The following KHDRBS2 variants were observed in gnomAD, a reference collection of about 807,000 sequenced individuals.
KHDRBS2 encodes KH RNA binding domain containing, signal transduction associated 2.
Under a neutral mutation model 44.3 loss-of-function variants are expected in KHDRBS2, and 26 were observed. The ratio of observed to expected loss-of-function variants is 0.59; its 90% CI spans 0.43 to 0.81. KHDRBS2 has a LOEUF of 0.81. Ranked by LOEUF, KHDRBS2 falls within the 40% of genes least tolerant of loss-of-function variation. The pLI is 0.00. For synonymous variants in KHDRBS2, 194 were observed against 151.1 expected, an observed-to-expected ratio of 1.28 and a Z score of -2.08; for missense variants, 476 against 433.1, an observed-to-expected ratio of 1.10 and a Z score of -0.88.
At chr6:61,580,024 T>C in the KHDRBS2 span, among the ~76,000 whole-genome samples, 2 of 152,090 alleles carry the variant, frequency 1.3e-5, no homozygotes, top group East Asian at 3.9e-4. Context: ...GCCATCGCAC[T>C]CCAGCCTGGG....
At chr6:61,813,995 G>T in intron 6 of KHDRBS2, 1 of 455,794 alleles carries the variant, frequency 2.2e-6, no homozygotes. Flanking sequence ...AAAAAGCTTC[G>T]TCCTGGGTTA....
At chr6:61,732,388 C>T (rs553751353) in intron 7 of KHDRBS2, among the ~76,000 whole-genome samples, 1 of 151,088 alleles carries the variant, frequency 6.6e-6, no homozygotes, top group East Asian at 1.9e-4. Context: ...TTATTATTGT[C>T]TTTTAAAAAA....
the KHDRBS2 span, among the ~76,000 whole-genome samples, chr6:61,610,737 A>G: frequency 6.6e-5 from 10 of 152,246 alleles, no homozygotes; most frequent in African/African-American, 2.4e-4. Flanking sequence ...ATGCCTTCTA[A>G]GACAGTGTTT....
chr6:61,555,890 T>A, the KHDRBS2 span, among the ~76,000 whole-genome samples: 1 of 152,188 alleles, frequency 6.6e-6, no homozygotes, highest in East Asian at 1.9e-4. Context: ...GAACCTGCTG[T>A]GCTGGAGAGG....
intron 6 of KHDRBS2, among the ~76,000 whole-genome samples, chr6:61,743,726 A>G (rs974107797): frequency 7.3e-5 from 11 of 151,630 alleles, no homozygotes; most frequent in African/African-American, 2.4e-4. Flanking sequence ...GGTGTGCTGC[A>G]CCCATTAACT....
intron 2 of KHDRBS2, among the ~76,000 whole-genome samples, chr6:62,076,779 C>A (rs1293043464): frequency 2.0e-5 from 3 of 152,000 alleles, no homozygotes; most frequent in African/African-American, 7.2e-5. Context: ...AAATAGCTCA[C>A]ACCTGTAATC....
intron 4 of KHDRBS2, among the ~76,000 whole-genome samples, chr6:61,968,784 C>A (rs1203432390): frequency 1.3e-5 from 2 of 151,938 alleles, no homozygotes; most frequent in Admixed American, 6.6e-5. Flanking sequence ...TCTGATCAGG[C>A]CCTTTTTTGT....
At chr6:61,661,123 G>T in the KHDRBS2 span, among the ~76,000 whole-genome samples, 125,511 of 151,670 alleles carry the variant, frequency 0.83, 52,119 homozygotes, top group Non-Finnish European at 0.87. Context: ...GTTTCTCACT[G>T]GTTTGACATT....
In KHDRBS2 at chr6:61,989,988, G is replaced by A. The variant is rs116809870; in HGVS notation, c.337-11776C>T. On this transcript the variant is annotated intron_variant, in intron 3 of 8. Transcript: ENST00000281156. ...AACCCTTGCATGGGCTAACTTGTAT[G>A]TTCTTTCTCAGAGTTCTGTGGTGGA... Among the ~76,000 whole-genome samples, 250 of 152,290 alleles carry A rather than the reference G, an allele frequency of 1.6e-3. 2 individuals carry two copies. The highest frequency in any genetic ancestry group is 5.8e-3 in the African/African-American group (243 of 41,564).
chr6:62,228,101 C>A (rs890317573), intron 1 of KHDRBS2, among the ~76,000 whole-genome samples: 3 of 152,112 alleles, frequency 2.0e-5, no homozygotes, highest in African/African-American at 4.8e-5. Flanking sequence ...AAAAATGGTA[C>A]CAGCTCCTCT....
chr6:61,605,516 A>G, the KHDRBS2 span, among the ~76,000 whole-genome samples: 7 of 152,174 alleles, frequency 4.6e-5, no homozygotes, highest in Admixed American at 2.6e-4. Context: ...GTCCTTTAAT[A>G]CATATTTTTC....
chr6:61,576,185 T>C, the KHDRBS2 span, among the ~76,000 whole-genome samples: 2 of 152,216 alleles, frequency 1.3e-5, no homozygotes, highest in Non-Finnish European at 2.9e-5. Context: ...AGTATGATCA[T>C]TTTAATAATA....
chr6:61,855,380 G>C (rs1795999509), intron 6 of KHDRBS2, among the ~76,000 whole-genome samples: 2 of 151,736 alleles, frequency 1.3e-5, no homozygotes. Context: ...TTTTACTTCT[G>C]GTAATTTACT....
At chr6:61,682,492 G>A (rs1275638952) in intron 8 of KHDRBS2, among the ~76,000 whole-genome samples, 1 of 151,890 alleles carries the variant, frequency 6.6e-6, no homozygotes, top group Non-Finnish European at 1.5e-5. Flanking sequence ...ACTCTGGCCT[G>A]TGAACCAAAT....
At chr6:62,089,393 G>C (rs1799069044) in intron 2 of KHDRBS2, among the ~76,000 whole-genome samples, 1 of 152,166 alleles carries the variant, frequency 6.6e-6, no homozygotes, top group Admixed American at 6.5e-5. Flanking sequence ...TGGTCTGTGG[G>C]TTGCGAAGAC....
rs186659162 is a variant in KHDRBS2, at chr6:61,779,365, T to C, written c.811-46601A>G. Reference sequence around the variant, plus strand: ...AATAGTGAAAGACAGATTTTTGTTTTAATAAATGTAGTAATAATGTAAGGA... The same window carrying C: ...AATAGTGAAAGACAGATTTTTGTTTCAATAAATGTAGTAATAATGTAAGGA... On this transcript the variant is annotated intron_variant, in intron 6 of 8. Coordinates refer to ENST00000281156, the MANE Select transcript of KHDRBS2 (RefSeq NM_152688.4). 1.3e-3 allele frequency among the ~76,000 whole-genome samples: 199 copies of C among 152,240 alleles called. 1 individual carries two copies. The highest frequency in any genetic ancestry group is 4.4e-3 in the African/African-American group (182 of 41,546).
chr6:61,709,094 T>C (rs2127549661), intron 7 of KHDRBS2, among the ~76,000 whole-genome samples: 1 of 151,770 alleles, frequency 6.6e-6, no homozygotes, highest in East Asian at 1.9e-4. Context: ...AAGTGTCTAG[T>C]ACATATCAGG....
chr6:61,926,825 T>G (rs1583546845), intron 4 of KHDRBS2, among the ~76,000 whole-genome samples: 1 of 112,716 alleles, frequency 8.9e-6, no homozygotes, highest in Non-Finnish European at 2.0e-5. Context: ...ACCCAGAAAC[T>G]TCAAAGAGAA....
chr6:61,674,033 A>G, the KHDRBS2 span, among the ~76,000 whole-genome samples: 1 of 151,744 alleles, frequency 6.6e-6, no homozygotes, highest in East Asian at 2.0e-4. Flanking sequence ...TGACGAATAA[A>G]AGCTTGAAGT....
Sources: gnomAD v4.1 joint callset for allele counts (sites outside exome capture counted in the v4.1 genomes callset) on GRCh38, gnomAD v4.1.1 for gene constraint, MANE v1.5 for transcripts, NCBI Gene and HGNC (gene_info 2026-07-23, HGNC 2026-07-21) for gene names.